The following PCDHA6 variants were observed in gnomAD, a reference collection of about 807,000 sequenced individuals.
PCDHA6 encodes the protein protocadherin alpha-6.
PCDHA6 carries 55 observed loss-of-function variants against 60.3 expected under a neutral mutation model. The ratio of observed to expected loss-of-function variants is 0.91; its 90% confidence interval spans 0.73 to 1.14. The LOEUF (loss-of-function observed/expected upper bound fraction) is 1.14. Among genes scored for constraint, PCDHA6 ranks in the 50% most tolerant of loss-of-function variants. PCDHA6 has a pLI of 0.00. For missense variants in PCDHA6, 1,327 were observed against 1,256.5 expected (o/e 1.06, Z -0.85); for synonymous variants, 652 against 557.9 (o/e 1.17, Z -2.38).
chr5:140,834,714 G>A (rs2150224744), intron 1 of PCDHA6: 2 of 1,614,274 alleles, frequency 1.2e-6, no homozygotes, highest in Admixed American at 1.7e-5. Flanking sequence ...GGTGATCGTG[G>A]AAAGGCCGCT....
At chr5:140,838,612 A>G (rs1326287987) in intron 1 of PCDHA6, among the ~76,000 whole-genome samples, 1 of 152,002 alleles carries the variant, frequency 6.6e-6, no homozygotes, top group Non-Finnish European at 1.5e-5. Flanking sequence ...GACTTTTAAA[A>G]ATTTTTTACA....
At chr5:141,002,557 CAGTT>C (rs2098085452) in intron 3 of PCDHA6, among the ~76,000 whole-genome samples, 1 of 152,180 alleles carries the variant, frequency 6.6e-6, no homozygotes, top group South Asian at 2.1e-4. Flanking sequence ...CAGGATCCAC[CAGTT>C]AGTGACCATG....
intron 1 of PCDHA6, among the ~76,000 whole-genome samples, chr5:140,913,140 G>T (rs1562991745): frequency 6.6e-6 from 1 of 152,068 alleles, no homozygotes; most frequent in African/African-American, 2.4e-5. Context: ...CTACTTTTTG[G>T]AATAGTTTGA....
chr5:140,991,149 C>T (rs2097435018), intron 3 of PCDHA6, among the ~76,000 whole-genome samples: 1 of 152,092 alleles, frequency 6.6e-6, no homozygotes, highest in South Asian at 2.1e-4. Flanking sequence ...GTTTTTTGCT[C>T]ACCATTGTAT....
At chr5:140,927,343 G>T (rs2084109180) in intron 1 of PCDHA6, 2 of 1,614,016 alleles carry the variant, frequency 1.2e-6, no homozygotes, top group East Asian at 4.5e-5. Flanking sequence ...TGCCCAAGAT[G>T]ACGACGAGGG....
intron 1 of PCDHA6, chr5:140,856,463 C>T (rs782279735): frequency 1.3e-6 from 2 of 1,598,356 alleles, no homozygotes; most frequent in Admixed American, 3.4e-5. Context: ...AGAACAAAAG[C>T]TCTCAATACC....
intron 1 of PCDHA6, chr5:140,863,386 T>C (rs1554158163): frequency 9.7e-7 from 1 of 1,032,576 alleles, no homozygotes; most frequent in South Asian, 1.2e-5. Flanking sequence ...CGAGAGCTCG[T>C]GCATGCCGGG....
At chr5:140,884,115 T>C (rs782303871) in intron 1 of PCDHA6, 2 of 1,613,170 alleles carry the variant, frequency 1.2e-6, no homozygotes, top group African/African-American at 2.7e-5. Context: ...CTGGCGGCGG[T>C]CGGCGCGCGC....
At chr5:140,860,453 G>A (rs1444199849) in intron 1 of PCDHA6, 5 of 152,018 alleles carry the variant, frequency 3.3e-5, no homozygotes, top group African/African-American at 1.2e-4. Flanking sequence ...ATTAATTCAC[G>A]TGATAATACA....
intron 1 of PCDHA6, chr5:140,851,685 G>T: frequency 1.1e-6 from 1 of 926,488 alleles, no homozygotes; most frequent in Non-Finnish European, 1.3e-6. Context: ...TCTCCATTCA[G>T]TGATAAAATG....
At chr5:140,924,175 A>G (rs1179259744) in intron 1 of PCDHA6, among the ~76,000 whole-genome samples, 4 of 152,244 alleles carry the variant, frequency 2.6e-5, no homozygotes, top group Non-Finnish European at 5.9e-5. Context: ...CTGGCACTGA[A>G]GCAGAAAATT....
intron 3 of PCDHA6, among the ~76,000 whole-genome samples, chr5:140,985,840 T>C (rs1441638586): frequency 2.0e-5 from 3 of 149,512 alleles, no homozygotes; most frequent in African/African-American, 7.4e-5. Flanking sequence ...CCCGGGTTCA[T>C]GCCACTCTCC....
chr5:140,848,406 G>C, intron 1 of PCDHA6: 2 of 1,338,990 alleles, frequency 1.5e-6, no homozygotes, highest in Admixed American at 4.3e-5. Context: ...GAACGATGGC[G>C]AACACAGCAG....
chr5:140,895,614 A>T (rs185386474), intron 1 of PCDHA6, among the ~76,000 whole-genome samples: 101 of 152,212 alleles, frequency 6.6e-4, no homozygotes, highest in African/African-American at 2.4e-3. Context: ...TTTCTCATTG[A>T]GGGTGTTGTC....
At chr5:140,917,598 G>A (rs2078274580) in intron 1 of PCDHA6, among the ~76,000 whole-genome samples, 1 of 152,174 alleles carries the variant, frequency 6.6e-6, no homozygotes, top group Non-Finnish European at 1.5e-5. Flanking sequence ...TGAAAGGAAG[G>A]GGTCCAGTTT....
At chr5:140,893,498 A>G (rs1471386820) in intron 1 of PCDHA6, among the ~76,000 whole-genome samples, 2 of 151,410 alleles carry the variant, frequency 1.3e-5, no homozygotes, top group Admixed American at 6.6e-5. Flanking sequence ...CACAAAAAAG[A>G]AAAAAAAAGC....
intron 3 of PCDHA6, among the ~76,000 whole-genome samples, chr5:140,987,254 T>C (rs1358606591): frequency 1.3e-5 from 2 of 151,878 alleles, no homozygotes; most frequent in Non-Finnish European, 1.5e-5. Flanking sequence ...AAAGACATTC[T>C]CAGGAATGGG....
chr5:140,924,050 A>T (rs1554201725), intron 1 of PCDHA6, among the ~76,000 whole-genome samples: 1 of 152,250 alleles, frequency 6.6e-6, no homozygotes, highest in African/African-American at 2.4e-5. Flanking sequence ...AAAGTTCGGT[A>T]CATCTTTACA....
intron 1 of PCDHA6, among the ~76,000 whole-genome samples, chr5:140,838,075 ATAGT>A (rs1236223360): frequency 0.032 from 4,047 of 127,880 alleles, 62 homozygotes; most frequent in African/African-American, 0.052. Context: ...TTATATATAT[ATAGT>A]GTGTGTGTGT....
Sources: allele counts gnomAD v4.1 joint callset (sites outside exome capture counted in the v4.1 genomes callset), GRCh38; gene constraint gnomAD v4.1.1; transcripts MANE v1.5; gene names NCBI Gene and HGNC (gene_info 2026-07-23, HGNC 2026-07-21).